Variants in CMKLR2 observed in about 807,000 individuals in gnomAD.
CMKLR2 encodes the protein chemerin chemokine-like receptor 2, also known as chemerin-like receptor 2.
CMKLR2 carries 18 observed loss-of-function variants against 23.0 expected under a neutral mutation model. That is an observed-to-expected ratio of 0.78 (90% CI 0.54 to 1.16). CMKLR2 has a LOEUF of 1.16. Ranked by LOEUF, CMKLR2 falls within the 50% of genes most tolerant of loss-of-function variation. The pLI is 0.00. For missense variants in CMKLR2, 401 were observed against 412.7 expected (o/e 0.97, Z 0.25); for synonymous variants, 158 against 158.9 (o/e 0.99, Z 0.05).
intron 1 of CMKLR2, among the ~76,000 whole-genome samples, chr2:206,208,384 C>T (rs1274127628): frequency 1.3e-5 from 2 of 151,758 alleles, no homozygotes; most frequent in South Asian, 2.1e-4. Flanking sequence ...TCTACAAAAT[C>T]GAAAAAGTAG....
chr2:206,205,118 T>C (rs573884268), intron 1 of CMKLR2, among the ~76,000 whole-genome samples: 23 of 152,252 alleles, frequency 1.5e-4, no homozygotes, highest in Admixed American at 7.2e-4. Flanking sequence ...GCTTGAGAAA[T>C]AACTAAAAAG....
chr2:206,217,656 G>T (rs1290557992), upstream of CMKLR2: 2 of 152,154 alleles, frequency 1.3e-5, no homozygotes, highest in Non-Finnish European at 2.9e-5. Context: ...TCTCTAATTT[G>T]AATAAACCTT....
intron 1 of CMKLR2, among the ~76,000 whole-genome samples, chr2:206,190,158 C>G (rs1032470994): frequency 1.3e-5 from 2 of 152,086 alleles, no homozygotes; most frequent in Non-Finnish European, 2.9e-5. Context: ...CTGTAGTTCC[C>G]ATGTCATTTA....
At chr2:206,191,175 T>C (rs1688735784) in intron 1 of CMKLR2, among the ~76,000 whole-genome samples, 1 of 152,188 alleles carries the variant, frequency 6.6e-6, no homozygotes, top group Non-Finnish European at 1.5e-5. Flanking sequence ...ATGGACAAAT[T>C]ACCTGCTACC....
intron 1 of CMKLR2, among the ~76,000 whole-genome samples, chr2:206,188,549 A>G (rs969287833): frequency 9.2e-5 from 14 of 152,366 alleles, no homozygotes; most frequent in African/African-American, 2.6e-4. Flanking sequence ...GTGAACAGGG[A>G]TATATGTAGG....
intron 1 of CMKLR2, chr2:206,203,980 G>A (rs1264788298): frequency 1.3e-5 from 2 of 152,190 alleles, no homozygotes; most frequent in African/African-American, 2.4e-5. Flanking sequence ...AACTGTTCTA[G>A]GTTTATTGTA....
At chr2:206,217,544 C>T (rs907438151), upstream of CMKLR2, 2 of 152,222 alleles carry the variant, frequency 1.3e-5, no homozygotes, top group Admixed American at 1.3e-4. Flanking sequence ...CTTGAGGATA[C>T]TTAGTGGGAA....
At chr2:206,197,899 C>T (rs1439553855) in intron 1 of CMKLR2, among the ~76,000 whole-genome samples, 1 of 152,136 alleles carries the variant, frequency 6.6e-6, no homozygotes, top group Non-Finnish European at 1.5e-5. Context: ...AAATGACAGC[C>T]ATTTTCTCTC....
intron 1 of CMKLR2, among the ~76,000 whole-genome samples, chr2:206,202,459 G>T (rs752924128): frequency 1.1e-4 from 17 of 152,138 alleles, no homozygotes; most frequent in African/African-American, 2.4e-4. Context: ...TTTTGTGTGT[G>T]TTTTTTCCCT....
Position 206,176,469 on chromosome 2 carries a change from G to A in CMKLR2, c.779C>T (p.Thr260Ile), listed in dbSNP as rs753785690. 1.2e-6 allele frequency: 2 copies of A among 1,614,202 alleles called. No homozygotes were observed. The highest frequency in any genetic ancestry group is 1.7e-6 in the Non-Finnish European group (2 of 1,180,040). Reference sequence around the variant, plus strand: ...CCAAATGCTAAACAGGTGATAAGGAGTCCAGCAAACCACAAAGGCCACAAC... The same window carrying A: ...CCAAATGCTAAACAGGTGATAAGGAATCCAGCAAACCACAAAGGCCACAAC... ...VVVVAFVVCW[T>I]PYHLFSIWEL... The change falls in exon 2 of 2, where the codon ACT becomes ATT. Residue 260 changes from threonine (T) to isoleucine (I), a missense_variant. Transcript: ENST00000621141.
At chr2:206,212,381 T>C (rs1689601567) in intron 1 of CMKLR2, among the ~76,000 whole-genome samples, 1 of 86,478 alleles carries the variant, frequency 1.2e-5, no homozygotes, top group Admixed American at 1.1e-4. Flanking sequence ...CCAGGAAAGG[T>C]CCCTTGGCCT....
At chr2:206,184,998 T>A (rs945500409) in intron 1 of CMKLR2, among the ~76,000 whole-genome samples, 1 of 152,186 alleles carries the variant, frequency 6.6e-6, no homozygotes, top group Non-Finnish European at 1.5e-5. Context: ...TTTCTTTCTT[T>A]CTTTTCTTTA....
At chr2:206,201,928 C>T (rs1689109982) in intron 1 of CMKLR2, among the ~76,000 whole-genome samples, 1 of 152,008 alleles carries the variant, frequency 6.6e-6, no homozygotes, top group Non-Finnish European at 1.5e-5. Flanking sequence ...TTTCAAATGC[C>T]CAAGGGCTGG....
At chr2:206,184,244 C>G (rs1688502751) in intron 1 of CMKLR2, among the ~76,000 whole-genome samples, 1 of 151,848 alleles carries the variant, frequency 6.6e-6, no homozygotes, top group African/African-American at 2.4e-5. Flanking sequence ...ACCCTAATAC[C>G]TCATTCTATT....
At chr2:206,214,945 G>C (rs1038402140), upstream of CMKLR2, among the ~76,000 whole-genome samples, 5 of 151,958 alleles carry the variant, frequency 3.3e-5, no homozygotes, top group African/African-American at 9.7e-5. Flanking sequence ...TTTTTGTATG[G>C]TCTAACTTCA....
At chr2:206,212,029 T>C (rs1689586622) in intron 1 of CMKLR2, among the ~76,000 whole-genome samples, 1 of 152,044 alleles carries the variant, frequency 6.6e-6, no homozygotes, top group Non-Finnish European at 1.5e-5. Context: ...TGATAACAAA[T>C]CTAAGAGGGA....
At chr2:206,216,832 G>T (rs181882179), upstream of CMKLR2, among the ~76,000 whole-genome samples, 3 of 152,146 alleles carry the variant, frequency 2.0e-5, no homozygotes, top group Non-Finnish European at 4.4e-5. Flanking sequence ...AGGTTTGGGC[G>T]ATTTTAAGTG....
In CMKLR2 at chr2:206,200,276, A is replaced by T. The variant is rs182055679; in HGVS notation, c.-29+13031T>A. 8.7e-4 allele frequency among the ~76,000 whole-genome samples: 133 copies of T among 152,216 alleles called. 2 individuals are homozygous for T. The East Asian group carries it at 0.013, about 15-fold the overall frequency. On this transcript the variant is annotated intron_variant, in intron 1 of 1. Coordinates refer to ENST00000621141, the MANE Select transcript of CMKLR2 (RefSeq NM_001389445.1). ...CCATCTCTACTAAAAATACAAAATT[A>T]GCTGGGCCTGGTGACACATGCCTGT...
intron 1 of CMKLR2, among the ~76,000 whole-genome samples, chr2:206,211,401 C>T (rs894042523): frequency 4.6e-5 from 7 of 151,714 alleles, no homozygotes; most frequent in Non-Finnish European, 7.4e-5. Flanking sequence ...CTTAGCTCAC[C>T]GCAGCCTCCG....
Sources: gnomAD v4.1 joint callset for allele counts (sites outside exome capture counted in the v4.1 genomes callset) on GRCh38, gnomAD v4.1.1 for gene constraint, MANE v1.5 for transcripts, NCBI Gene and HGNC (gene_info 2026-07-23, HGNC 2026-07-21) for gene names.